Variants in ADARB2 observed in about 807,000 individuals in gnomAD.
ADARB2 encodes the protein adenosine deaminase RNA specific B2 (inactive).
In ADARB2, 25 loss-of-function variants were observed where a neutral mutation model predicts 62.2. The observed-to-expected ratio is 0.40, with a 90% confidence interval of 0.29 to 0.56. The LOEUF (loss-of-function observed/expected upper bound fraction) is 0.56. Ranked by LOEUF, ADARB2 falls within the 20% of genes least tolerant of loss-of-function variation. The pLI is 0.43. For synonymous variants in ADARB2, 572 were observed against 500.8 expected (o/e 1.14, Z -1.90); for missense variants, 1,071 against 1,077.4 (o/e 0.99, Z 0.08).
At chr10:1,371,489 A>G (rs1343255553) in intron 2 of ADARB2, among the ~76,000 whole-genome samples, 1 of 152,184 alleles carries the variant, frequency 6.6e-6, no homozygotes, top group Non-Finnish European at 1.5e-5. Flanking sequence ...AATAAAATAA[A>G]GTAAAATAAA....
chr10:1,585,364 T>A (rs1029757845), intron 1 of ADARB2, among the ~76,000 whole-genome samples: 2 of 152,054 alleles, frequency 1.3e-5, no homozygotes, highest in Non-Finnish European at 2.9e-5. Flanking sequence ...TCCATTTGGT[T>A]CCTAAATAAG....
chr10:1,668,691 A>C (rs1834342117), intron 1 of ADARB2, among the ~76,000 whole-genome samples: 1 of 152,214 alleles, frequency 6.6e-6, no homozygotes, highest in Non-Finnish European at 1.5e-5. Context: ...GTTCTGCGGC[A>C]CTTTATGAGA....
At position 1,345,468 on chromosome 10, in the gene ADARB2, C is replaced by A. The variant is rs116726055; in HGVS notation, c.1077+17560G>T. Among the ~76,000 whole-genome samples, 1,045 of 152,318 alleles carry A rather than the reference C, an allele frequency of 6.9e-3. 14 individuals carry two copies. The highest frequency in any genetic ancestry group is 0.023 in the African/African-American group (955 of 41,562). On this transcript the variant is annotated intron_variant, in intron 3 of 9. Coordinates refer to ENST00000381312, the MANE Select transcript of ADARB2 (RefSeq NM_018702.4). ...TCCATCAGAATGGACACACCAGGAC[C>A]TTTTCGGCACCCTGTGGACACTCCT...
intron 1 of ADARB2, among the ~76,000 whole-genome samples, chr10:1,603,046 A>C (rs1470091525): frequency 6.6e-6 from 1 of 151,460 alleles, no homozygotes; most frequent in Non-Finnish European, 1.5e-5. Flanking sequence ...ACACACACGC[A>C]CACACACCTA....
At chr10:1,533,583 C>T (rs1832277822) in intron 1 of ADARB2, among the ~76,000 whole-genome samples, 1 of 152,208 alleles carries the variant, frequency 6.6e-6, no homozygotes, top group Admixed American at 6.5e-5. Flanking sequence ...TCTGCGATGC[C>T]TCCCAAGGGT....
rs562695053 is a variant in ADARB2 at position 1,435,460 on chromosome 10, C to G, written c.101-56300G>C. Among the ~76,000 whole-genome samples, 7 of 152,272 alleles carry G rather than the reference C, an allele frequency of 4.6e-5. No homozygotes were observed. The South Asian group carries it at 1.5e-3, about 32-fold the overall frequency. On this transcript the variant is annotated intron_variant, in intron 1 of 9. Coordinates refer to ENST00000381312, the MANE Select transcript of ADARB2 (RefSeq NM_018702.4). ...CGCTTGAGGGCAGAGCCTTTGCTGC[C>G]CCGGGCTGAGCCTCCTTCTGCGCAA...
At chr10:1,687,646 A>AT (rs929882739) in intron 1 of ADARB2, among the ~76,000 whole-genome samples, 15 of 150,128 alleles carry the variant, frequency 1.0e-4, no homozygotes, top group East Asian at 3.9e-4. Flanking sequence ...AAATAATCAT[A>AT]TTTTTTTCTG....
chr10:1,184,608 G>A (rs1836726424), intron 9 of ADARB2, among the ~76,000 whole-genome samples: 1 of 152,236 alleles, frequency 6.6e-6, no homozygotes, highest in African/African-American at 2.4e-5. Flanking sequence ...TCCGTCAGGG[G>A]TTCAGCAATG....
At chr10:1,198,389 G>T (rs1440293431) in intron 8 of ADARB2, among the ~76,000 whole-genome samples, 1 of 152,190 alleles carries the variant, frequency 6.6e-6, no homozygotes, top group African/African-American at 2.4e-5. Flanking sequence ...CCCTGTGCAA[G>T]ATCTCTCTCT....
intron 1 of ADARB2, among the ~76,000 whole-genome samples, chr10:1,681,276 C>T (rs1337258992): frequency 6.6e-6 from 1 of 152,176 alleles, no homozygotes; most frequent in Non-Finnish European, 1.5e-5. Context: ...CCATGCAGAG[C>T]AGAATGCATT....
intron 5 of ADARB2, among the ~76,000 whole-genome samples, chr10:1,236,257 CTCCCTCCCGGTGTTTACTCCCCT>C: frequency 6.4e-5 from 1 of 15,722 alleles, no homozygotes; most frequent in Non-Finnish European, 1.1e-4. Flanking sequence ...TTACTCCCCT[CTCCCTCCCGGTGTTTACTCCCCT>C]CTGCCTCCCG....
At chr10:1,469,082 C>T (rs1447227011) in intron 1 of ADARB2, among the ~76,000 whole-genome samples, 1 of 152,202 alleles carries the variant, frequency 6.6e-6, no homozygotes, top group East Asian at 1.9e-4. Context: ...GAATTGGAAA[C>T]GGCCCCCAGA....
At chr10:1,409,142 C>T (rs947890505) in intron 1 of ADARB2, among the ~76,000 whole-genome samples, 4 of 152,240 alleles carry the variant, frequency 2.6e-5, no homozygotes, top group South Asian at 4.1e-4. Flanking sequence ...GCTTGGCCCA[C>T]GGAGCCCCCG....
intron 3 of ADARB2, among the ~76,000 whole-genome samples, chr10:1,359,811 C>T (rs868799687): frequency 6.6e-6 from 1 of 152,214 alleles, no homozygotes; most frequent in South Asian, 2.1e-4. Context: ...TCTGACCACC[C>T]GACGAGCTGG....
rs116328756 is a variant in ADARB2 at position 1,342,565 on chromosome 10, C to T, written c.1077+20463G>A. Among the ~76,000 whole-genome samples, 847 of 152,288 alleles carry T rather than the reference C, an allele frequency of 5.6e-3. 10 individuals carry two copies. The highest frequency in any genetic ancestry group is 0.019 in the African/African-American group (797 of 41,558). On this transcript the variant is annotated intron_variant, in intron 3 of 9. Coordinates refer to ENST00000381312, the MANE Select transcript of ADARB2 (RefSeq NM_018702.4). ...ATCGCAGACCCATGGGAGGAGAGTA[C>T]CCTGAGATGCTCTCAGACATGGGTG...
intron 1 of ADARB2, among the ~76,000 whole-genome samples, chr10:1,503,479 C>A (rs918566732): frequency 2.0e-5 from 3 of 152,014 alleles, no homozygotes; most frequent in Admixed American, 6.5e-5. Flanking sequence ...CAAAAGCAGT[C>A]AATTCCCTTT....
At chr10:1,611,780 A>AT (rs534905410) in intron 1 of ADARB2, among the ~76,000 whole-genome samples, 19 of 152,164 alleles carry the variant, frequency 1.2e-4, no homozygotes, top group East Asian at 5.8e-4. Context: ...CAGCGATGAG[A>AT]TTTTTTTTGT....
chr10:1,639,476 C>G (rs577505870), intron 1 of ADARB2, among the ~76,000 whole-genome samples: 51 of 152,328 alleles, frequency 3.3e-4, no homozygotes, highest in Non-Finnish European at 5.3e-4. Context: ...AGACCATTCA[C>G]GAGCAGCCTG....
chr10:1,501,900 A>G (rs987141575), intron 1 of ADARB2, among the ~76,000 whole-genome samples: 2 of 152,210 alleles, frequency 1.3e-5, no homozygotes, highest in African/African-American at 4.8e-5. Flanking sequence ...TGGGCAGAGG[A>G]CAGGATTAAG....
Sources: allele counts gnomAD v4.1 joint callset (sites outside exome capture counted in the v4.1 genomes callset), GRCh38; gene constraint gnomAD v4.1.1; transcripts MANE v1.5; gene names NCBI Gene and HGNC (gene_info 2026-07-23, HGNC 2026-07-21).